Variants in IL2RA observed in about 807,000 individuals in gnomAD.
IL2RA encodes interleukin-2 receptor subunit alpha.
IL2RA carries 24 observed loss-of-function variants against 37.8 expected under a neutral mutation model. That is an observed-to-expected ratio of 0.63 (90% CI 0.46 to 0.89). The LOEUF (loss-of-function observed/expected upper bound fraction) is 0.89, where lower values mean the gene tolerates loss of function less well. Among genes scored for constraint, IL2RA ranks in the 40% least tolerant of loss-of-function variants. The pLI is 0.00. For missense variants in IL2RA, 319 were observed against 348.6 expected (o/e 0.92, Z 0.68); for synonymous variants, 125 against 114.6 (o/e 1.09, Z -0.58).
rs1480847709 is a variant in IL2RA at position 6,012,530 on chromosome 10, C to T, written c.*342G>A. Reference sequence around the variant, plus strand: ...GAATGTAAACCTACTTTTCTTTATACTACATATAGGGTGGAGAGAGTTCCA... The same window carrying T: ...GAATGTAAACCTACTTTTCTTTATATTACATATAGGGTGGAGAGAGTTCCA... On this transcript the variant is annotated 3_prime_UTR_variant, in exon 8 of 8. Coordinates refer to ENST00000379959, the MANE Select transcript of IL2RA (RefSeq NM_000417.3). This position sits in a 1 kb window ranked among gnomAD's most constrained non-coding sequence, Gnocchi z 4.8. 2.5e-6 allele frequency: 1 copy of T among 392,682 alleles called. No individual in the cohort carries two copies. Among genetic ancestry groups the T allele is most frequent in the African/African-American group, 2.0e-5 (1 of 49,442 alleles). 24.3% of individuals were successfully genotyped at this position (392,682 alleles called of 1,614,324 possible).
At chr10:6,051,345 A>G (rs965339623) in intron 1 of IL2RA, among the ~76,000 whole-genome samples, 1 of 152,026 alleles carries the variant, frequency 6.6e-6, no homozygotes, top group Admixed American at 6.6e-5. Flanking sequence ...GAAGAGGCTG[A>G]CGTCAACTTT....
intron 1 of IL2RA, among the ~76,000 whole-genome samples, chr10:6,040,103 A>T (rs1839748608): frequency 6.6e-6 from 1 of 152,248 alleles, no homozygotes; most frequent in Non-Finnish European, 1.5e-5. Flanking sequence ...AAATATGAGG[A>T]TCAGTTGAAA....
At chr10:6,016,048 G>A (rs1266598536) in intron 7 of IL2RA, among the ~76,000 whole-genome samples, 2 of 152,190 alleles carry the variant, frequency 1.3e-5, no homozygotes, top group African/African-American at 4.8e-5. Context: ...ACCACTTACT[G>A]TGGTTTGAAT....
At chr10:6,038,729 A>G (rs2132877968) in intron 1 of IL2RA, among the ~76,000 whole-genome samples, 1 of 152,252 alleles carries the variant, frequency 6.6e-6, no homozygotes. Flanking sequence ...TGTGGAGGCA[A>G]TTTGTTCTAA....
chr10:6,024,204 C>A, intron 3 of IL2RA, 40 bp downstream of exon 3: 2 of 1,308,582 alleles, frequency 1.5e-6, no homozygotes, highest in South Asian at 1.2e-5. Flanking sequence ...GAGAAGGGTG[C>A]GCTAGCAGGA....
rs1839879636 is a variant in IL2RA at position 6,047,326 on chromosome 10, C to T, written c.64+14762G>A. ...TGTGGCCTGTGCCACACTCAGAACG[C>T]GGGATGAACATAGAGGAAACACTAG... On this transcript the variant is annotated intron_variant, in intron 1 of 7. Coordinates refer to ENST00000379959, the MANE Select transcript of IL2RA (RefSeq NM_000417.3). The surrounding 1 kb of genome is among the most constrained non-coding windows in gnomAD (Gnocchi z 5.0). 6.6e-6 allele frequency among the ~76,000 whole-genome samples: 1 copy of T among 152,148 alleles called. No individual in the cohort carries two copies. The highest frequency in any genetic ancestry group is 6.5e-5 in the Admixed American group (1 of 15,286).
intron 1 of IL2RA, among the ~76,000 whole-genome samples, chr10:6,040,595 C>T (rs11256464): frequency 0.073 from 11,114 of 152,182 alleles, 569 homozygotes; most frequent in Middle Eastern, 0.16. Context: ...CCTAAATTTG[C>T]AATACATGGT....
At chr10:6,045,066 GAGA>G (rs1183730687) in intron 1 of IL2RA, among the ~76,000 whole-genome samples, 1 of 152,210 alleles carries the variant, frequency 6.6e-6, no homozygotes, top group Non-Finnish European at 1.5e-5. Flanking sequence ...CTCGGGAAAG[GAGA>G]AGAAGGCGGT....
At position 6,057,312 on chromosome 10, in the gene IL2RA, C is replaced by T. The variant is rs962210883; in HGVS notation, c.64+4776G>A. On this transcript the variant is annotated intron_variant, in intron 1 of 7. Transcript: ENST00000379959. The surrounding 1 kb of genome is among the most constrained non-coding windows in gnomAD (Gnocchi z 4.8). ...TCATGCTGGCTGCCAGGCAGTACTT[C>T]TTCAGAGCTGGAAATAACCCACAAT... Among the ~76,000 whole-genome samples, 2 of 152,208 alleles carry T rather than the reference C, an allele frequency of 1.3e-5. No homozygotes were observed. The highest frequency in any genetic ancestry group is 2.9e-5 in the Non-Finnish European group (2 of 68,044).
intron 1 of IL2RA, among the ~76,000 whole-genome samples, chr10:6,052,398 G>C (rs1200600359): frequency 6.6e-6 from 1 of 152,108 alleles, no homozygotes; most frequent in African/African-American, 2.4e-5. Flanking sequence ...TCAAGGATGG[G>C]CTCTTATTCA....
In IL2RA at chr10:6,021,259, G is replaced by C. The variant is rs527770440; in HGVS notation, c.583+219C>G. 1.1e-3 allele frequency among the ~76,000 whole-genome samples: 167 copies of C among 152,158 alleles called. No individual in the cohort carries two copies. The highest frequency in any genetic ancestry group is 1.7e-3 in the Non-Finnish European group (113 of 67,990). The stretch of plus-strand genomic sequence containing the variant: ...TCTCCAACCTTTCTCCCCACTCAGG[G>C]CACAGGGGGACCTTCATTGAAGGAG... On this transcript the variant is annotated intron_variant, in intron 4 of 7. Transcript: ENST00000379959. The surrounding 1 kb of genome is among the most constrained non-coding windows in gnomAD (Gnocchi z 4.9).
intron 1 of IL2RA, among the ~76,000 whole-genome samples, chr10:6,037,982 A>G (rs189146165): frequency 1.3e-5 from 2 of 152,350 alleles, no homozygotes; most frequent in Admixed American, 1.3e-4. Flanking sequence ...TAGGCCGTAT[A>G]GAAAGTAAGT....
chr10:6,030,156 A>G (rs1240422495), intron 1 of IL2RA, among the ~76,000 whole-genome samples: 1 of 152,248 alleles, frequency 6.6e-6, no homozygotes, highest in African/African-American at 2.4e-5. Flanking sequence ...GTAAGACAAT[A>G]TTAAATAGCC....
At chr10:6,042,884 G>A (rs1839793350) in intron 1 of IL2RA, among the ~76,000 whole-genome samples, 1 of 152,158 alleles carries the variant, frequency 6.6e-6, no homozygotes, top group South Asian at 2.1e-4. Context: ...GAATATGTGA[G>A]GAATTCAGGA....
chr10:6,050,683 T>C (rs185429218), intron 1 of IL2RA, among the ~76,000 whole-genome samples: 1 of 152,226 alleles, frequency 6.6e-6, no homozygotes, highest in East Asian at 1.9e-4. Flanking sequence ...GTGCTAACAG[T>C]CCCCATCTCC....
chr10:6,050,622 C>T (rs1315028787), intron 1 of IL2RA, among the ~76,000 whole-genome samples: 1 of 152,126 alleles, frequency 6.6e-6, no homozygotes, highest in Non-Finnish European at 1.5e-5. Context: ...CCAGTCTGGG[C>T]AACAGAGTGA....
intron 1 of IL2RA, among the ~76,000 whole-genome samples, chr10:6,050,687 C>T (rs1227177581): frequency 6.6e-6 from 1 of 152,148 alleles, no homozygotes; most frequent in Admixed American, 6.5e-5. Flanking sequence ...TAACAGTCCC[C>T]ATCTCCTATG....
rs1361878255 is a variant in IL2RA, at chr10:6,044,406, T to C, written c.64+17682A>G. Among the ~76,000 whole-genome samples, 3 of 152,240 alleles carry C rather than the reference T, an allele frequency of 2.0e-5. No homozygotes were observed. The highest frequency in any genetic ancestry group is 4.4e-5 in the Non-Finnish European group (3 of 68,036). On this transcript the variant is annotated intron_variant, in intron 1 of 7. Transcript: ENST00000379959. The surrounding 1 kb of genome is among the most constrained non-coding windows in gnomAD (Gnocchi z 4.5). ...GGGCAGTTTTGCATTCATATTTATA[T>C]CTGCTTTTAATTACACGCAGTTTAA...
intron 1 of IL2RA, among the ~76,000 whole-genome samples, chr10:6,034,648 C>G (rs1839651535): frequency 6.6e-6 from 1 of 152,210 alleles, no homozygotes; most frequent in Non-Finnish European, 1.5e-5. Flanking sequence ...TCCTCATTCT[C>G]TAGTTTTACT....
Sources: allele counts gnomAD v4.1 joint callset (sites outside exome capture counted in the v4.1 genomes callset), GRCh38; gene constraint gnomAD v4.1.1; non-coding constraint Gnocchi (gnomAD v3.1); transcripts MANE v1.5; gene names NCBI Gene and HGNC (gene_info 2026-07-23, HGNC 2026-07-21).